DCDC1: variants seen among roughly 807,000 people sequenced by gnomAD.
DCDC1 encodes the protein doublecortin domain-containing protein 1.
In DCDC1, 200 loss-of-function variants were observed where a neutral mutation model predicts 178.3. The ratio of observed to expected loss-of-function variants is 1.12; its 90% CI spans 1.00 to 1.26. The LOEUF (loss-of-function observed/expected upper bound fraction) is 1.26, where lower values mean the gene tolerates loss of function less well. Ranked by LOEUF, DCDC1 falls within the 50% of genes most tolerant of loss-of-function variation. The pLI, the probability that DCDC1 is intolerant of heterozygous loss-of-function variation, is 0.00. For missense variants in DCDC1, 1,983 were observed against 1,749.2 expected (o/e 1.13, Z -2.38); for synonymous variants, 690 against 604.8 (o/e 1.14, Z -2.07).
intron 22 of DCDC1, among the ~76,000 whole-genome samples, chr11:30,927,887 G>A (rs987651981): frequency 6.6e-6 from 1 of 151,944 alleles, no homozygotes; most frequent in Non-Finnish European, 1.5e-5. Context: ...TTCATACCAA[G>A]TGCTCCAACC....
chr11:31,323,338 C>T (rs894933694), intron 3 of DCDC1, among the ~76,000 whole-genome samples: 2 of 152,196 alleles, frequency 1.3e-5, no homozygotes, highest in Non-Finnish European at 1.5e-5. Flanking sequence ...TTTGTACTTG[C>T]TGTCGCTTCA....
At chr11:31,344,603 G>C (rs1344230688) in intron 1 of DCDC1, among the ~76,000 whole-genome samples, 1 of 152,150 alleles carries the variant, frequency 6.6e-6, no homozygotes, top group Non-Finnish European at 1.5e-5. Flanking sequence ...GATGTGTTTG[G>C]CACATAGTAG....
At chr11:31,259,791 G>A (rs1944660280) in intron 8 of DCDC1, among the ~76,000 whole-genome samples, 1 of 152,140 alleles carries the variant, frequency 6.6e-6, no homozygotes, top group Non-Finnish European at 1.5e-5. Context: ...AACAGCTTGG[G>A]CCGTCTGGCA....
chr11:31,228,644 T>G (rs1234142799), intron 9 of DCDC1, among the ~76,000 whole-genome samples: 2 of 152,018 alleles, frequency 1.3e-5, no homozygotes, highest in African/African-American at 2.4e-5. Context: ...TCAATAAAAT[T>G]AATCAACTCA....
chr11:31,258,713 C>T (rs924261536), intron 8 of DCDC1, among the ~76,000 whole-genome samples: 10 of 152,128 alleles, frequency 6.6e-5, no homozygotes, highest in Admixed American at 1.3e-4. Flanking sequence ...TTTGGAAACC[C>T]GCCAAAAGTT....
intron 38 of DCDC1, among the ~76,000 whole-genome samples, chr11:30,876,614 C>T (rs1319309334): frequency 6.6e-6 from 1 of 152,134 alleles, no homozygotes; most frequent in Non-Finnish European, 1.5e-5. Flanking sequence ...CTTGATACAG[C>T]GTTGTGTGAT....
At chr11:31,284,825 G>C (rs1054685545) in intron 7 of DCDC1, among the ~76,000 whole-genome samples, 4 of 151,886 alleles carry the variant, frequency 2.6e-5, no homozygotes, top group African/African-American at 9.7e-5. Flanking sequence ...TTTTAGTAGA[G>C]ACAGGGTTTC....
rs1413430750 is a variant in DCDC1 at position 31,220,269 on chromosome 11, T to C, written c.1221+21181A>G. On this transcript the variant is annotated intron_variant, in intron 9 of 38. Transcript: ENST00000684477. ...TGAAACGTGTAATGGGCAATATTTA[T>C]CTAGGAATTAGGTCCTAATGAAAAT... Among the ~76,000 whole-genome samples, 3 of 152,244 alleles carry C rather than the reference T, an allele frequency of 2.0e-5. 1 individual carries two copies. Among genetic ancestry groups the C allele is most frequent in the Non-Finnish European group, 4.4e-5 (3 of 68,036 alleles).
At chr11:31,045,793 T>C (rs554181640) in intron 20 of DCDC1, among the ~76,000 whole-genome samples, 2 of 152,320 alleles carry the variant, frequency 1.3e-5, no homozygotes, top group African/African-American at 4.8e-5. Context: ...TTCTCAGTGG[T>C]GGATATGTCC....
chr11:31,032,144 C>T (rs1459684773), intron 20 of DCDC1, among the ~76,000 whole-genome samples: 1 of 152,060 alleles, frequency 6.6e-6, no homozygotes, highest in Non-Finnish European at 1.5e-5. Flanking sequence ...TCATCACCTG[C>T]ATTTTATATG....
intron 10 of DCDC1, 54 bp from the exon 11 acceptor site, chr11:31,127,693 A>T (rs1475387964): frequency 1.2e-5 from 8 of 675,570 alleles, no homozygotes; most frequent in East Asian, 1.1e-4. Flanking sequence ...TTGATGTCAC[A>T]CCTATTAGAT....
At chr11:31,326,031 CT>C (rs1949627368) in intron 3 of DCDC1, among the ~76,000 whole-genome samples, 1 of 152,012 alleles carries the variant, frequency 6.6e-6, no homozygotes, top group Admixed American at 6.6e-5. Context: ...TCATCATTTT[CT>C]TTTTCATGAA....
intron 7 of DCDC1, among the ~76,000 whole-genome samples, chr11:31,278,000 C>A (rs754326014): frequency 6.6e-6 from 1 of 152,030 alleles, no homozygotes; most frequent in African/African-American, 2.4e-5. Flanking sequence ...TTTTCTCCCA[C>A]GTTTTCTCTG....
At chr11:31,293,602 G>C (rs1443519829) in intron 6 of DCDC1, among the ~76,000 whole-genome samples, 1 of 146,602 alleles carries the variant, frequency 6.8e-6, no homozygotes, top group Non-Finnish European at 1.5e-5. Context: ...GGCTGAAACT[G>C]TCTCTTTCAC....
At chr11:31,343,133 C>T (rs76631622) in intron 1 of DCDC1, among the ~76,000 whole-genome samples, 3,112 of 152,002 alleles carry the variant, frequency 0.02, 97 homozygotes, top group African/African-American at 0.07. Context: ...TTAGCCAGGC[C>T]GAGTGGTGCA....
chr11:31,065,184 T>A (rs1956178528), intron 18 of DCDC1, 31 bp from the exon 19 acceptor site: 1 of 718,278 alleles, frequency 1.4e-6, no homozygotes, highest in Admixed American at 2.1e-5. Context: ...ACAAGTAGTA[T>A]CACCCTTATA....
intron 1 of DCDC1, among the ~76,000 whole-genome samples, chr11:31,339,539 C>T (rs759152516): frequency 6.6e-6 from 1 of 152,190 alleles, no homozygotes; most frequent in Admixed American, 6.5e-5. Flanking sequence ...GCTAGTAATA[C>T]CTGAATTAAC....
Position 31,197,908 on chromosome 11 carries a change from G to T in DCDC1, c.1221+43542C>A, listed in dbSNP as rs577822787. Among the ~76,000 whole-genome samples the T allele has an allele frequency of 1.1e-3, 169 of 152,070 alleles. 1 individual carries two copies. The highest frequency in any genetic ancestry group is 1.8e-3 in the Non-Finnish European group (119 of 67,952). On this transcript the variant is annotated intron_variant, in intron 9 of 38. Transcript: ENST00000684477. ...CTTGAATACCTTACTTAAGTACTTT[G>T]AGCCTATTTCATCACCTCTAATATG...
chr11:31,304,094 A>G (rs1038915676), intron 6 of DCDC1, among the ~76,000 whole-genome samples: 1 of 152,208 alleles, frequency 6.6e-6, no homozygotes, highest in African/African-American at 2.4e-5. Flanking sequence ...AGGATAAAAG[A>G]GAAAACAAAA....
Sources: allele counts gnomAD v4.1 joint callset (sites outside exome capture counted in the v4.1 genomes callset), GRCh38; gene constraint gnomAD v4.1.1; transcripts MANE v1.5; gene names NCBI Gene and HGNC (gene_info 2026-07-23, HGNC 2026-07-21).